The following GLIPR1L1 variants were observed in gnomAD, a reference collection of about 807,000 sequenced individuals.
GLIPR1L1 encodes the protein GLIPR1-like protein 1.
Under a neutral mutation model 29.9 loss-of-function variants are expected in GLIPR1L1, and 26 were observed. The ratio of observed to expected loss-of-function variants is 0.87; its 90% CI spans 0.64 to 1.21. GLIPR1L1 has a LOEUF of 1.21. Among genes scored for constraint, GLIPR1L1 ranks in the 50% most tolerant of loss-of-function variants. The probability of loss-of-function intolerance (pLI) is 0.00; values close to 1 mark genes in which losing one functional copy is unlikely to be tolerated. For synonymous variants in GLIPR1L1, 77 were observed against 97.5 expected (o/e 0.79, Z 1.24); for missense variants, 305 against 290.3 (o/e 1.05, Z -0.37).
At chr12:75,354,658 G>A (rs1419493725) in intron 3 of GLIPR1L1, among the ~76,000 whole-genome samples, 1 of 152,106 alleles carries the variant, frequency 6.6e-6, no homozygotes, top group Non-Finnish European at 1.5e-5. Context: ...CCAAAAAAGG[G>A]TTTGTGTAGC....
chr12:75,347,520 A>G (rs1392505260), intron 2 of GLIPR1L1, 102 bp from the exon 3 acceptor site: 8 of 627,136 alleles, frequency 1.3e-5, no homozygotes, highest in South Asian at 2.1e-5. Context: ...ATTTATGTAC[A>G]TTATTTTTTG....
intron 2 of GLIPR1L1, among the ~76,000 whole-genome samples, chr12:75,344,859 A>G (rs747751211): frequency 1.1e-4 from 16 of 152,224 alleles, no homozygotes; most frequent in South Asian, 6.2e-4. Flanking sequence ...GCTGATAATG[A>G]TCTCTCACTA....
intron 1 of GLIPR1L1, among the ~76,000 whole-genome samples, chr12:75,338,807 T>C (rs368644510): frequency 2.0e-5 from 3 of 149,060 alleles, no homozygotes; most frequent in African/African-American, 7.3e-5. Context: ...TGTGTCCATG[T>C]GTTCTCATTG....
intron 3 of GLIPR1L1, among the ~76,000 whole-genome samples, chr12:75,354,153 G>A (rs1173697635): frequency 2.7e-5 from 3 of 109,558 alleles, no homozygotes; most frequent in Non-Finnish European, 3.8e-5. Context: ...AGCAATCAGG[G>A]AAGAGAAAAA....
At chr12:75,337,391 A>T (rs2041810126) in intron 1 of GLIPR1L1, among the ~76,000 whole-genome samples, 1 of 151,910 alleles carries the variant, frequency 6.6e-6, no homozygotes, top group Non-Finnish European at 1.5e-5. Context: ...CTCAAAAATC[A>T]ATTTTAGGAA....
chr12:75,367,084 A>G, intron 4 of GLIPR1L1: 1 of 696,330 alleles, frequency 1.4e-6, no homozygotes, highest in Non-Finnish European at 2.6e-6. Flanking sequence ...AAGCCAACTG[A>G]GATTAATTTG....
chr12:75,348,511 T>A (rs1565972390), intron 3 of GLIPR1L1, among the ~76,000 whole-genome samples: 1 of 152,178 alleles, frequency 6.6e-6, no homozygotes, highest in Non-Finnish European at 1.5e-5. Flanking sequence ...TTCAGAGAAA[T>A]TATAAAACTA....
chr12:75,362,119 A>T (rs1036943251), intron 3 of GLIPR1L1, among the ~76,000 whole-genome samples: 1 of 152,178 alleles, frequency 6.6e-6, no homozygotes, highest in Non-Finnish European at 1.5e-5. Flanking sequence ...CAATAATAAC[A>T]GCAACAATTA....
Position 75,370,247 on chromosome 12 carries a change from T to C in GLIPR1L1, c.*71T>C. 3.7e-6 allele frequency: 3 copies of C among 804,486 alleles called. No homozygotes were observed. The highest frequency in any genetic ancestry group is 6.2e-6 in the Non-Finnish European group (3 of 480,796). The allele number at this position is 804,486 out of a possible 1,614,324, so 49.8% of individuals were successfully genotyped here. A position where few individuals can be genotyped will look rare whatever the true frequency, so the allele number is the denominator to read the frequency against. ...ATAGTTTATTGCTTAATATAACTTA[T>C]CATCACTTTGCTTCTTTACTGAATC... On this transcript the variant is annotated 3_prime_UTR_variant, in exon 6 of 6. Coordinates refer to ENST00000378695, the MANE Select transcript of GLIPR1L1 (RefSeq NM_001304964.2).
rs183083221 is a variant in GLIPR1L1 at position 75,369,601 on chromosome 12, T to G, written c.611-359T>G. ...TTACAGAAATGAATGAGATTGTTAA[T>G]GAGTTCTGCATACAAAAAATTCAAC... On this transcript the variant is annotated intron_variant, in intron 4 of 5. Transcript: ENST00000378695. 70 of 984,912 alleles carry G rather than the reference T, an allele frequency of 7.1e-5. No homozygotes were observed. In the African/African-American group the frequency reaches 1.1e-3, roughly 15 times the overall value. The allele number at this position is 984,912 out of a possible 1,614,324, so 61.0% of individuals were successfully genotyped here. A position where few individuals can be genotyped will look rare whatever the true frequency, so the allele number is the denominator to read the frequency against.
intron 1 of GLIPR1L1, among the ~76,000 whole-genome samples, chr12:75,341,520 C>T (rs1000651159): frequency 3.9e-5 from 6 of 152,122 alleles, no homozygotes; most frequent in Non-Finnish European, 7.4e-5. Context: ...TGTCTCGGCT[C>T]ACTGCAAGCT....
intron 3 of GLIPR1L1, among the ~76,000 whole-genome samples, chr12:75,357,579 T>C (rs1347193462): frequency 2.0e-5 from 3 of 152,094 alleles, no homozygotes; most frequent in Non-Finnish European, 2.9e-5. Context: ...GTACATGAAA[T>C]ATTTAATAAT....
At chr12:75,345,964 A>C (rs1394779214) in intron 2 of GLIPR1L1, among the ~76,000 whole-genome samples, 17 of 152,230 alleles carry the variant, frequency 1.1e-4, no homozygotes, top group Admixed American at 1.1e-3. Flanking sequence ...TTATAAAATC[A>C]ACAACTATAT....
intron 4 of GLIPR1L1, among the ~76,000 whole-genome samples, chr12:75,363,417 T>A (rs756596331): frequency 2.6e-4 from 40 of 152,256 alleles, no homozygotes; most frequent in Non-Finnish European, 5.4e-4. Context: ...AGGAATGAGG[T>A]ACAACCATGA....
chr12:75,338,908 A>G (rs936781134), intron 1 of GLIPR1L1, among the ~76,000 whole-genome samples: 16 of 152,198 alleles, frequency 1.1e-4, no homozygotes, highest in South Asian at 2.1e-4. Context: ...AGCTCCATCC[A>G]TGTCCCTGCA....
At chr12:75,358,601 T>C (rs2043310830) in intron 3 of GLIPR1L1, among the ~76,000 whole-genome samples, 2 of 150,590 alleles carry the variant, frequency 1.3e-5, no homozygotes, top group South Asian at 2.1e-4. Flanking sequence ...TTATGCCTAA[T>C]AGTAAAAAAA....
intron 2 of GLIPR1L1, among the ~76,000 whole-genome samples, chr12:75,345,274 T>C (rs962187224): frequency 1.1e-4 from 16 of 152,132 alleles, no homozygotes; most frequent in Admixed American, 3.9e-4. Flanking sequence ...TCTTTTTTTT[T>C]CTGCAAATCT....
intron 3 of GLIPR1L1, among the ~76,000 whole-genome samples, chr12:75,353,835 A>T (rs1477284263): frequency 6.6e-6 from 1 of 152,252 alleles, no homozygotes; most frequent in Non-Finnish European, 1.5e-5. Flanking sequence ...GTCTGGTTCA[A>T]CATACGCAAA....
chr12:75,341,745 C>CTCT (rs1565956619), intron 1 of GLIPR1L1, among the ~76,000 whole-genome samples: 3 of 141,080 alleles, frequency 2.1e-5, no homozygotes, highest in Non-Finnish European at 4.6e-5. Context: ...CGCGCCCGGC[C>CTCT]TCTTTTTTTT....
Sources: gnomAD v4.1 joint callset for allele counts (sites outside exome capture counted in the v4.1 genomes callset) on GRCh38, gnomAD v4.1.1 for gene constraint, MANE v1.5 for transcripts, NCBI Gene and HGNC (gene_info 2026-07-23, HGNC 2026-07-21) for gene names.